Variants in HS3ST3A1 observed in about 807,000 individuals in gnomAD.
The protein encoded by HS3ST3A1 is heparan sulfate-glucosamine 3-sulfotransferase 3A1.
In HS3ST3A1, 19 loss-of-function variants were observed where a neutral mutation model predicts 25.7. That is an observed-to-expected ratio of 0.74 (90% CI 0.52 to 1.08). The LOEUF (loss-of-function observed/expected upper bound fraction) is 1.08, where lower values mean the gene tolerates loss of function less well. HS3ST3A1 is among the 50% of genes least tolerant of loss of function. The pLI, the probability that HS3ST3A1 is intolerant of heterozygous loss-of-function variation, is 0.00. For missense variants in HS3ST3A1, 459 were observed against 594.3 expected, an observed-to-expected ratio of 0.77 and a Z score of 2.37; for synonymous variants, 226 against 278.6, an observed-to-expected ratio of 0.81 and a Z score of 1.88.
At chr17:13,551,919 C>T (rs1247432476) in intron 1 of HS3ST3A1, among the ~76,000 whole-genome samples, 1 of 152,158 alleles carries the variant, frequency 6.6e-6, no homozygotes, top group Admixed American at 6.5e-5. Flanking sequence ...TCTACTCTAT[C>T]TAACTAAGCT....
intron 1 of HS3ST3A1, among the ~76,000 whole-genome samples, chr17:13,547,503 A>C (rs1419944920): frequency 6.6e-6 from 1 of 152,162 alleles, no homozygotes; most frequent in Non-Finnish European, 1.5e-5. Context: ...AACTTCCATA[A>C]AAGCCCCTAA....
At chr17:13,554,368 G>A (rs1258252559) in intron 1 of HS3ST3A1, among the ~76,000 whole-genome samples, 2 of 152,184 alleles carry the variant, frequency 1.3e-5, no homozygotes, top group Non-Finnish European at 2.9e-5. Flanking sequence ...AGTAGCAAAT[G>A]AGCAATGTAT....
intron 1 of HS3ST3A1, among the ~76,000 whole-genome samples, chr17:13,506,117 AG>A (rs1011524110): frequency 1.3e-4 from 19 of 140,826 alleles, no homozygotes; most frequent in Non-Finnish European, 2.6e-4. Flanking sequence ...TTTCTGCATG[AG>A]GTTTCTAATG....
chr17:13,569,282 T>A (rs1258812263), intron 1 of HS3ST3A1, among the ~76,000 whole-genome samples: 2 of 152,212 alleles, frequency 1.3e-5, no homozygotes, highest in Admixed American at 1.3e-4. Flanking sequence ...TTTGTTGTGG[T>A]AGCTGTTACA....
At position 13,582,786 on chromosome 17, in the gene HS3ST3A1, T is replaced by G. The variant is rs150040464; in HGVS notation, c.599+17745A>C. 5.7e-3 allele frequency among the ~76,000 whole-genome samples: 870 copies of G among 152,286 alleles called. 5 individuals are homozygous for G. The highest frequency in any genetic ancestry group is 0.02 in the African/African-American group (831 of 41,526). ...CTATCAGAAATCATATTTAAAATAC[T>G]ATGGTGTCTTTCCGAGTGACTTATT... On this transcript the variant is annotated intron_variant, in intron 1 of 1. Coordinates refer to ENST00000284110, the MANE Select transcript of HS3ST3A1 (RefSeq NM_006042.3).
intron 1 of HS3ST3A1, among the ~76,000 whole-genome samples, chr17:13,559,410 T>C (rs1203686545): frequency 6.6e-6 from 1 of 151,774 alleles, no homozygotes; most frequent in African/African-American, 2.4e-5. Context: ...GTAAAAATAT[T>C]TTTGAAAATA....
chr17:13,539,421 T>C (rs756185313), intron 1 of HS3ST3A1, among the ~76,000 whole-genome samples: 1 of 152,230 alleles, frequency 6.6e-6, no homozygotes, highest in African/African-American at 2.4e-5. Context: ...TTCTCAACCC[T>C]AGCGTGGATG....
rs116448347 is a variant in HS3ST3A1 at position 13,598,431 on chromosome 17, G to A, written c.599+2100C>T. Among the ~76,000 whole-genome samples the A allele has an allele frequency of 6.2e-3, 950 of 152,068 alleles. 7 individuals carry two copies. Among genetic ancestry groups the A allele is most frequent in the African/African-American group, 0.021 (886 of 41,454 alleles). On this transcript the variant is annotated intron_variant, in intron 1 of 1. Transcript: ENST00000284110. ...AGTTTCCTATGTAATTGAGTTAAAC[G>A]TAAATTTATGCATCCAATAAAAAAC...
At chr17:13,570,980 A>G (rs190556984) in intron 1 of HS3ST3A1, among the ~76,000 whole-genome samples, 3 of 152,304 alleles carry the variant, frequency 2.0e-5, no homozygotes, top group Admixed American at 6.5e-5. Context: ...GCTCAGCATT[A>G]GAGATATAGG....
intron 1 of HS3ST3A1, among the ~76,000 whole-genome samples, chr17:13,509,855 TTC>T (rs767852968): frequency 3.2e-4 from 49 of 152,318 alleles, no homozygotes; most frequent in Admixed American, 1.9e-3. Flanking sequence ...CAGGCTTAGA[TTC>T]TGAGTCTTCT....
At chr17:13,598,946 A>C (rs563461834) in intron 1 of HS3ST3A1, among the ~76,000 whole-genome samples, 1 of 152,328 alleles carries the variant, frequency 6.6e-6, no homozygotes, top group Non-Finnish European at 1.5e-5. Flanking sequence ...TGTTTCAGAC[A>C]GTCAGCTTGA....
At chr17:13,552,167 C>T (rs1193936806) in intron 1 of HS3ST3A1, among the ~76,000 whole-genome samples, 2 of 152,196 alleles carry the variant, frequency 1.3e-5, no homozygotes, top group Non-Finnish European at 2.9e-5. Flanking sequence ...GCAACCTCCG[C>T]CTCCCAGGTT....
intron 1 of HS3ST3A1, among the ~76,000 whole-genome samples, chr17:13,510,510 T>C (rs1905826899): frequency 6.6e-6 from 1 of 152,200 alleles, no homozygotes; most frequent in Non-Finnish European, 1.5e-5. Flanking sequence ...TCATTCGCTA[T>C]TTTTCTGTCA....
At position 13,538,618 on chromosome 17, in the gene HS3ST3A1, T is replaced by C. The variant is rs115162246; in HGVS notation, c.600-41800A>G. Among the ~76,000 whole-genome samples, 665 of 152,034 alleles carry C rather than the reference T, an allele frequency of 4.4e-3. 7 individuals carry two copies. The highest frequency in any genetic ancestry group is 0.017 in the Middle Eastern group (5 of 292). On this transcript the variant is annotated intron_variant, in intron 1 of 1. Transcript: ENST00000284110. ...CACATTTCTGACCACTCCTGAAAGG[T>C]GAGAACATTAAGAGACTCAGGCAAG...
intron 1 of HS3ST3A1, among the ~76,000 whole-genome samples, chr17:13,590,789 G>A (rs960148908): frequency 6.6e-5 from 10 of 152,090 alleles, no homozygotes; most frequent in Non-Finnish European, 1.3e-4. Context: ...GCTCTCATTG[G>A]GGGTATTAAC....
At chr17:13,596,816 C>A (rs1908590669) in intron 1 of HS3ST3A1, among the ~76,000 whole-genome samples, 1 of 152,132 alleles carries the variant, frequency 6.6e-6, no homozygotes, top group South Asian at 2.1e-4. Context: ...GGAAACTGCA[C>A]ATGGAGGGAC....
chr17:13,531,541 C>T (rs1906607623), intron 1 of HS3ST3A1, among the ~76,000 whole-genome samples: 1 of 150,892 alleles, frequency 6.6e-6, no homozygotes, highest in African/African-American at 2.4e-5. Context: ...TCCTTCCCCA[C>T]CCCCACCCAG....
intron 1 of HS3ST3A1, among the ~76,000 whole-genome samples, chr17:13,545,741 C>A (rs1171577006): frequency 6.6e-6 from 1 of 152,128 alleles, no homozygotes; most frequent in Non-Finnish European, 1.5e-5. Context: ...TTTTCGGGGG[C>A]CGAGGCGCAT....
intron 1 of HS3ST3A1, among the ~76,000 whole-genome samples, chr17:13,597,442 T>G (rs1908607610): frequency 6.6e-6 from 1 of 152,168 alleles, no homozygotes; most frequent in Non-Finnish European, 1.5e-5. Flanking sequence ...TTTCCTTTCC[T>G]TTATGAAGCC....
Sources: allele counts gnomAD v4.1 joint callset (sites outside exome capture counted in the v4.1 genomes callset), GRCh38; gene constraint gnomAD v4.1.1; transcripts MANE v1.5; gene names NCBI Gene and HGNC (gene_info 2026-07-23, HGNC 2026-07-21).